ITGA8: variants seen among roughly 807,000 people sequenced by gnomAD.
The protein encoded by ITGA8 is integrin alpha-8.
A neutral mutation model predicts 142.3 loss-of-function variants in ITGA8; 91 were observed. The ratio of observed to expected loss-of-function variants is 0.64; its 90% CI spans 0.54 to 0.76. ITGA8 has a LOEUF of 0.76. Among genes scored for constraint, ITGA8 ranks in the 30% least tolerant of loss-of-function variants. The pLI is 0.00. For missense variants in ITGA8, 1,406 were observed against 1,327.7 expected, an observed-to-expected ratio of 1.06 and a Z score of -0.92; for synonymous variants, 505 against 485.2, an observed-to-expected ratio of 1.04 and a Z score of -0.54.
chr10:15,544,730 C>T (rs562335300), intron 27 of ITGA8, among the ~76,000 whole-genome samples: 40 of 152,268 alleles, frequency 2.6e-4, no homozygotes, highest in Middle Eastern at 3.4e-3. Flanking sequence ...GGGTGCCTCG[C>T]CTACTGAATG....
At chr10:15,674,119 T>C (rs1258873216) in intron 6 of ITGA8, among the ~76,000 whole-genome samples, 4 of 152,224 alleles carry the variant, frequency 2.6e-5, no homozygotes, top group Non-Finnish European at 4.4e-5. Flanking sequence ...AACTAGATCA[T>C]AAATATTGCC....
chr10:15,612,402 A>G (rs544729745), intron 15 of ITGA8, among the ~76,000 whole-genome samples: 9 of 152,312 alleles, frequency 5.9e-5, no homozygotes, highest in African/African-American at 2.2e-4. Context: ...TCAGAAACCA[A>G]AAATACTGTC....
At chr10:15,698,207 A>G (rs1294209526) in intron 2 of ITGA8, among the ~76,000 whole-genome samples, 5 of 152,214 alleles carry the variant, frequency 3.3e-5, no homozygotes, top group Admixed American at 2.0e-4. Context: ...ATGGTCTCCA[A>G]TTCCATCCAG....
intron 11 of ITGA8, among the ~76,000 whole-genome samples, chr10:15,647,449 G>GT (rs71505078): frequency 0.2 from 18,130 of 91,678 alleles, 2,650 homozygotes; most frequent in East Asian, 0.24. Context: ...AAATTATTCA[G>GT]TTTTTTTTTT....
rs1298395968 is a variant in ITGA8, at chr10:15,694,639, ATAATATATTT to A, written c.344-6611_344-6602del. Among the ~76,000 whole-genome samples the A allele has an allele frequency of 8.3e-5, 11 of 132,378 alleles. No homozygotes were observed. In the East Asian group the frequency reaches 2.3e-3, roughly 28 times the overall value. The allele number at this position is 132,378 out of a possible 152,430, so 86.8% of individuals were successfully genotyped here. ...ATATTTTATTTATTAATATATTTAT[ATAATATATTT>A]TAATATATATTATATCTATATTTGT... On this transcript the variant is annotated intron_variant, in intron 2 of 29. Coordinates refer to ENST00000378076, the MANE Select transcript of ITGA8 (RefSeq NM_003638.3).
intron 11 of ITGA8, 142 bp from the exon 12 acceptor site, chr10:15,647,193 G>T: frequency 1.6e-6 from 1 of 633,758 alleles, no homozygotes; most frequent in Non-Finnish European, 2.8e-6. Flanking sequence ...GATTGCTTTC[G>T]CTGCTTTGTT....
rs9333071 is a variant in ITGA8, at chr10:15,719,343, C to G, written c.209+220G>C. Reference sequence around the variant, plus strand: ...TGGTACCTGGAACACCCAGGACTTGCGTGTTCTATGCAAGTGGCATGTCTC... The same window carrying G: ...TGGTACCTGGAACACCCAGGACTTGGGTGTTCTATGCAAGTGGCATGTCTC... On this transcript the variant is annotated intron_variant, in intron 1 of 29. Transcript: ENST00000378076. 6.7e-3 allele frequency among the ~76,000 whole-genome samples: 1,022 copies of G among 152,292 alleles called. 10 individuals carry two copies. Among genetic ancestry groups the G allele is most frequent in the African/African-American group, 0.024 (985 of 41,572 alleles).
At position 15,673,995 on chromosome 10, in the gene ITGA8, G is replaced by C. The variant is rs12244279; in HGVS notation, c.677-1246C>G. Among the ~76,000 whole-genome samples, 538 of 149,274 alleles carry C rather than the reference G, an allele frequency of 3.6e-3. 5 individuals are homozygous for C. The highest frequency in any genetic ancestry group is 0.013 in the African/African-American group (511 of 38,706). On this transcript the variant is annotated intron_variant, in intron 6 of 29. Transcript: ENST00000378076. Reference sequence around the variant, plus strand: ...CTCTTTGGCAGAAAACTGAAGAAATGCGTTCAAAAGACTATCATTTAACAT... The same window carrying C: ...CTCTTTGGCAGAAAACTGAAGAAATCCGTTCAAAAGACTATCATTTAACAT...
intron 2 of ITGA8, among the ~76,000 whole-genome samples, chr10:15,690,373 A>G (rs1227590238): frequency 6.6e-6 from 1 of 152,140 alleles, no homozygotes; most frequent in East Asian, 1.9e-4. Context: ...CTGCAGAGCC[A>G]TGCCAGCGCT....
intron 21 of ITGA8, among the ~76,000 whole-genome samples, chr10:15,594,719 T>C (rs1588664521): frequency 6.6e-6 from 1 of 151,942 alleles, no homozygotes; most frequent in Non-Finnish European, 1.5e-5. Flanking sequence ...GAGGTGGAGG[T>C]TGCAGTGAGC....
chr10:15,657,209 T>G (rs1248598539), intron 10 of ITGA8, among the ~76,000 whole-genome samples: 2 of 152,176 alleles, frequency 1.3e-5, no homozygotes, highest in Non-Finnish European at 2.9e-5. Flanking sequence ...TTTAGCAATG[T>G]TTAAAAAGTT....
intron 6 of ITGA8, among the ~76,000 whole-genome samples, chr10:15,675,966 T>G (rs1255359493): frequency 6.6e-6 from 1 of 152,200 alleles, no homozygotes; most frequent in Non-Finnish European, 1.5e-5. Context: ...GAATGGATGA[T>G]GTGAAATTAA....
At position 15,524,990 on chromosome 10, in the gene ITGA8, T is replaced by C. The variant is rs186461878; in HGVS notation, c.2983-5578A>G. Among the ~76,000 whole-genome samples, 467 of 152,106 alleles carry C rather than the reference T, an allele frequency of 3.1e-3. 3 individuals carry two copies. Among genetic ancestry groups the C allele is most frequent in the African/African-American group, 0.011 (454 of 41,374 alleles). On this transcript the variant is annotated intron_variant, in intron 28 of 29. Coordinates refer to ENST00000378076, the MANE Select transcript of ITGA8 (RefSeq NM_003638.3). ...CTGACATATATGAAGAATCTTTCAT[T>C]CATTTCAAATAATATTTATTTATTT...
chr10:15,634,805 A>G (rs574507516), intron 13 of ITGA8, among the ~76,000 whole-genome samples: 1 of 152,266 alleles, frequency 6.6e-6, no homozygotes, highest in East Asian at 1.9e-4. Flanking sequence ...GAAATTCGAT[A>G]GAATTTCGAA....
intron 23 of ITGA8, among the ~76,000 whole-genome samples, chr10:15,578,936 A>G (rs1408020369): frequency 2.0e-5 from 3 of 152,104 alleles, no homozygotes; most frequent in African/African-American, 7.2e-5. Flanking sequence ...AAAGAAATGG[A>G]ACAATTCTCA....
intron 2 of ITGA8, among the ~76,000 whole-genome samples, chr10:15,705,241 A>G (rs1394373835): frequency 6.6e-6 from 1 of 152,158 alleles, no homozygotes; most frequent in Non-Finnish European, 1.5e-5. Context: ...TCATGACTCC[A>G]CTTTGCCATT....
intron 13 of ITGA8, among the ~76,000 whole-genome samples, chr10:15,635,923 A>ACACG (rs1470167536): frequency 7.6e-5 from 11 of 143,914 alleles, no homozygotes; most frequent in African/African-American, 2.8e-4. Flanking sequence ...TATACTACAC[A>ACACG]CACACACACA....
At chr10:15,664,478 T>C (rs1371910624) in intron 8 of ITGA8, among the ~76,000 whole-genome samples, 2 of 151,256 alleles carry the variant, frequency 1.3e-5, no homozygotes, top group Non-Finnish European at 2.9e-5. Flanking sequence ...TGATGATTCC[T>C]AGAGGTGACC....
chr10:15,532,161 T>C (rs1833315359), intron 27 of ITGA8, among the ~76,000 whole-genome samples: 1 of 151,788 alleles, frequency 6.6e-6, no homozygotes, highest in South Asian at 2.1e-4. Flanking sequence ...CCGGGCGTGG[T>C]GGAATCCCAG....
Sources: gnomAD v4.1 joint callset for allele counts (sites outside exome capture counted in the v4.1 genomes callset) on GRCh38, gnomAD v4.1.1 for gene constraint, MANE v1.5 for transcripts, NCBI Gene and HGNC (gene_info 2026-07-23, HGNC 2026-07-21) for gene names.